TTBK2: variants seen among roughly 807,000 people sequenced by gnomAD.
TTBK2 encodes tau-tubulin kinase 2.
A neutral mutation model predicts 110.8 loss-of-function variants in TTBK2; 28 were observed. That is an observed-to-expected ratio of 0.25 (90% CI 0.19 to 0.35). The LOEUF (loss-of-function observed/expected upper bound fraction) is 0.35. Ranked by LOEUF, TTBK2 falls within the 10% of genes least tolerant of loss-of-function variation. The pLI is 1.00. For missense variants in TTBK2, 1,369 were observed against 1,500.3 expected, an observed-to-expected ratio of 0.91 and a Z score of 1.45; for synonymous variants, 532 against 527.3, an observed-to-expected ratio of 1.01 and a Z score of -0.12.
intron 3 of TTBK2, among the ~76,000 whole-genome samples, chr15:42,846,127 GAA>G (rs59101747): frequency 7.0e-6 from 1 of 142,506 alleles, no homozygotes; most frequent in Admixed American, 7.0e-5. Context: ...ATAATTACAG[GAA>G]AAAAAAAAAG....
chr15:42,858,776 A>T (rs1402128069), intron 3 of TTBK2, among the ~76,000 whole-genome samples: 3 of 152,168 alleles, frequency 2.0e-5, no homozygotes, highest in Non-Finnish European at 2.9e-5. Flanking sequence ...CAACTGACAG[A>T]TTGCTGGAGG....
chr15:42,890,832 G>T (rs1895426679), intron 1 of TTBK2, among the ~76,000 whole-genome samples: 1 of 152,042 alleles, frequency 6.6e-6, no homozygotes, highest in Non-Finnish European at 1.5e-5. Context: ...CAATCACATG[G>T]CCAATGATTT....
At chr15:42,805,404 C>T (rs1487815864) in intron 9 of TTBK2, among the ~76,000 whole-genome samples, 2 of 152,108 alleles carry the variant, frequency 1.3e-5, no homozygotes, top group African/African-American at 2.4e-5. Flanking sequence ...GAGGAGGCTG[C>T]GGAGAAACTG....
chr15:42,840,510 T>G (rs1893176710), intron 3 of TTBK2, 77 bp from the exon 4 acceptor site: 1 of 1,268,932 alleles, frequency 7.9e-7, no homozygotes, highest in Non-Finnish European at 1.2e-6. Flanking sequence ...CTTTTCTGTA[T>G]AGTGTTTTAT....
chr15:42,806,806 AT>A (rs890895259), intron 9 of TTBK2, among the ~76,000 whole-genome samples: 8 of 145,520 alleles, frequency 5.5e-5, no homozygotes, highest in African/African-American at 1.8e-4. Context: ...ACATTATGAG[AT>A]TTTTTTGTGA....
chr15:42,901,593 C>A (rs1388276971), intron 1 of TTBK2, among the ~76,000 whole-genome samples: 4 of 141,582 alleles, frequency 2.8e-5, no homozygotes, highest in South Asian at 4.5e-4. Context: ...TCCAGCTGGG[C>A]AAAATAGCGA....
At chr15:42,763,594 A>G (rs1368334978) in intron 13 of TTBK2, among the ~76,000 whole-genome samples, 2 of 152,148 alleles carry the variant, frequency 1.3e-5, no homozygotes, top group African/African-American at 4.8e-5. Context: ...GTTTGAGATG[A>G]TGTAGATGCT....
chr15:42,752,926 G>A lies in TTBK2; in HGVS notation c.2320C>T (p.Pro774Ser), dbSNP rs2140600386. ...RLVVREFENL[P>S]GETEEKSILL... ...ATGCTTTTCTCTTCAGTTTCCCCAGGGAGATTTTCAAATTCTCTCACAACC... is the reference window on the plus strand; with the variant it reads ...ATGCTTTTCTCTTCAGTTTCCCCAGAGAGATTTTCAAATTCTCTCACAACC... The change falls in exon 14 of 15, where the codon CCT becomes TCT. Residue 774 changes from proline (P) to serine (S), a missense_variant. Physicochemically the swap from Pro to Ser is moderately conservative, Grantham distance 74. Transcript: ENST00000267890. 6.2e-7 allele frequency: 1 copy of A among 1,614,118 alleles called. No individual in the cohort carries two copies.
At position 42,815,937 on chromosome 15, in the gene TTBK2, T is replaced by A. The variant is rs1484404377; in HGVS notation, c.603+1095A>T. ...AAATATATATATATTTAAAAATATA[T>A]ATATATATATTTAAAAAAAAAATAT... On this transcript the variant is annotated intron_variant, in intron 7 of 14. Transcript: ENST00000267890. Among the ~76,000 whole-genome samples, 170 of 31,974 alleles carry A rather than the reference T, an allele frequency of 5.3e-3. 1 individual carries two copies. Among genetic ancestry groups the A allele is most frequent in the African/African-American group, 0.025 (149 of 5,894 alleles). The allele number at this position is 31,974 out of a possible 152,430, so 21.0% of individuals were successfully genotyped here.
chr15:42,756,591 AAAAC>A (rs2061950740), intron 13 of TTBK2, among the ~76,000 whole-genome samples: 2 of 152,276 alleles, frequency 1.3e-5, no homozygotes, highest in Non-Finnish European at 2.9e-5. Context: ...GTCTCAAAAC[AAAAC>A]AAACAAACAA....
chr15:42,846,583 T>C (rs930352297), intron 3 of TTBK2, among the ~76,000 whole-genome samples: 5 of 152,184 alleles, frequency 3.3e-5, no homozygotes, highest in South Asian at 2.1e-4. Context: ...ATATGAAATA[T>C]ATTTAGTCTC....
chr15:42,803,807 G>A (rs1891326398), intron 9 of TTBK2, among the ~76,000 whole-genome samples: 2 of 151,956 alleles, frequency 1.3e-5, no homozygotes, highest in Non-Finnish European at 1.5e-5. Context: ...AAGGCGGGCC[G>A]ATCACCTGAG....
At chr15:42,861,121 T>C (rs1488964175) in intron 3 of TTBK2, among the ~76,000 whole-genome samples, 1 of 152,120 alleles carries the variant, frequency 6.6e-6, no homozygotes, top group South Asian at 2.1e-4. Flanking sequence ...AAGTTCTTCT[T>C]GACCTATGAA....
At chr15:42,796,630 G>A (rs1890957813) in intron 9 of TTBK2, among the ~76,000 whole-genome samples, 1 of 152,186 alleles carries the variant, frequency 6.6e-6, no homozygotes, top group Non-Finnish European at 1.5e-5. Flanking sequence ...CACTAAGGAG[G>A]ATGATCAAAT....
chr15:42,875,923 A>G (rs1377712575), intron 2 of TTBK2, among the ~76,000 whole-genome samples: 7 of 151,070 alleles, frequency 4.6e-5, no homozygotes, highest in Non-Finnish European at 7.4e-5. Context: ...AAAAAAAAAA[A>G]AAAAGAAATG....
At chr15:42,751,279 T>C (rs1400546251) in intron 14 of TTBK2, among the ~76,000 whole-genome samples, 2 of 152,348 alleles carry the variant, frequency 1.3e-5, no homozygotes, top group Middle Eastern at 6.8e-3. Flanking sequence ...TTTTGTAACA[T>C]CAACAGCTGA....
chr15:42,839,879 T>C (rs571298044), intron 4 of TTBK2, among the ~76,000 whole-genome samples: 40 of 152,322 alleles, frequency 2.6e-4, no homozygotes, highest in African/African-American at 9.4e-4. Flanking sequence ...ACTTCTACTA[T>C]GGAATGATGC....
chr15:42,794,754 A>C lies in TTBK2; in HGVS notation c.870T>G (p.Ile290Met), dbSNP rs201340730. Residue 290 changes from isoleucine to methionine, a missense_variant, in exon 10 of 15, where the codon ATT becomes ATG. Physicochemically the swap from Ile to Met is conservative, Grantham distance 10 (BLOSUM62 1). Coordinates refer to ENST00000267890, the MANE Select transcript of TTBK2 (RefSeq NM_173500.4). ...FDNSIKTFGV[I>M]ESDPFDWEKT... is the part of the protein sequence containing the mutation. Reference sequence around the variant, plus strand: ...TCTCCCAGTCAAAAGGGTCACTCTCAATTACTCCAAAAGTCTTGATGCTAT... The same window carrying C: ...TCTCCCAGTCAAAAGGGTCACTCTCCATTACTCCAAAAGTCTTGATGCTAT... The C allele has an allele frequency of 6.2e-7, 1 of 1,614,046 alleles. No homozygotes were observed. Among genetic ancestry groups the C allele is most frequent in the Non-Finnish European group, 8.5e-7 (1 of 1,180,040 alleles).
chr15:42,788,989 C>T lies in TTBK2; in HGVS notation c.981-5354G>A, dbSNP rs183675374. ...TGGTCATTACAGGGAAGCAGATTAA[C>T]CTATCAACTCACAGTTACTTTTTTT... is the stretch of plus-strand genomic sequence containing the variant. On this transcript the variant is annotated intron_variant, in intron 10 of 14. Transcript: ENST00000267890. 5.3e-5 allele frequency among the ~76,000 whole-genome samples: 8 copies of T among 152,224 alleles called. No individual in the cohort carries two copies. The East Asian group carries it at 1.5e-3, about 29-fold the overall frequency.
Sources: gnomAD v4.1 joint callset for allele counts (sites outside exome capture counted in the v4.1 genomes callset) on GRCh38, gnomAD v4.1.1 for gene constraint, MANE v1.5 for transcripts, NCBI Gene and HGNC (gene_info 2026-07-23, HGNC 2026-07-21) for gene names.